ACTR3B: variants seen among roughly 807,000 people sequenced by gnomAD.
The protein encoded by ACTR3B is actin-related protein 3B.
Under a neutral mutation model 59.0 loss-of-function variants are expected in ACTR3B, and 8 were observed. The observed-to-expected ratio is 0.14, with a 90% CI of 0.08 to 0.24. The LOEUF (loss-of-function observed/expected upper bound fraction) is 0.24, where lower values mean the gene tolerates loss of function less well. Among genes scored for constraint, ACTR3B ranks in the 10% least tolerant of loss-of-function variants. The pLI is 1.00. For synonymous variants in ACTR3B, 148 were observed against 197.9 expected (o/e 0.75, Z 2.12); for missense variants, 245 against 552.3 (o/e 0.44, Z 5.58).
chr7:152,849,201 C>T (rs1201461401), intron 9 of ACTR3B, among the ~76,000 whole-genome samples: 2 of 152,180 alleles, frequency 1.3e-5, no homozygotes, highest in African/African-American at 4.8e-5. Context: ...AGACCATTGC[C>T]AGGTATTTTA....
intron 1 of ACTR3B, among the ~76,000 whole-genome samples, chr7:152,779,256 T>C (rs1485164540): frequency 6.6e-5 from 10 of 151,954 alleles, no homozygotes; most frequent in Non-Finnish European, 1.2e-4. Flanking sequence ...ATTTAGTGAA[T>C]CGCGCACAGC....
intron 2 of ACTR3B, among the ~76,000 whole-genome samples, chr7:152,790,678 GCTTT>G (rs1279135132): frequency 8.6e-5 from 13 of 152,044 alleles, no homozygotes; most frequent in African/African-American, 1.7e-4. Flanking sequence ...GAGTTTGTTA[GCTTT>G]CTTTTTTTAT....
At chr7:152,761,494 A>G (rs2098089165) in intron 1 of ACTR3B, among the ~76,000 whole-genome samples, 1 of 152,204 alleles carries the variant, frequency 6.6e-6, no homozygotes. Context: ...TAAGTCGTGG[A>G]CCTTACTCAT....
chr7:152,841,543 C>T (rs1797870607), intron 9 of ACTR3B, among the ~76,000 whole-genome samples: 1 of 152,146 alleles, frequency 6.6e-6, no homozygotes. Flanking sequence ...CAAAGCAAGG[C>T]GTGGAACTAG....
intron 11 of ACTR3B, among the ~76,000 whole-genome samples, chr7:152,853,877 C>T (rs897013984): frequency 5.3e-5 from 8 of 151,944 alleles, no homozygotes; most frequent in Non-Finnish European, 1.0e-4. Context: ...CCACCATGCC[C>T]GGCTCATTTT....
chr7:152,765,008 T>C (rs2966531), intron 1 of ACTR3B, among the ~76,000 whole-genome samples: 1 of 152,128 alleles, frequency 6.6e-6, no homozygotes, highest in Admixed American at 6.5e-5. Context: ...GTGAGCATCC[T>C]CCAAAGTTCT....
chr7:152,797,272 G>A (rs1047041217), intron 2 of ACTR3B, among the ~76,000 whole-genome samples: 11 of 151,828 alleles, frequency 7.2e-5, no homozygotes, highest in African/African-American at 2.2e-4. Flanking sequence ...TTAGAGATGG[G>A]GTCTTGCTAT....
intron 9 of ACTR3B, among the ~76,000 whole-genome samples, chr7:152,831,408 A>G (rs1797017534): frequency 6.6e-6 from 1 of 152,040 alleles, no homozygotes; most frequent in Admixed American, 6.6e-5. Flanking sequence ...CTCCGTGTGG[A>G]CAGGAGTGTG....
chr7:152,853,463 T>C (rs1051786260), intron 10 of ACTR3B, 31 bp from the exon 11 acceptor site: 60 of 1,602,276 alleles, frequency 3.7e-5, no homozygotes, highest in East Asian at 4.5e-5. Context: ...TCTGTGGGTG[T>C]GGGGTAAGTG....
intron 9 of ACTR3B, among the ~76,000 whole-genome samples, chr7:152,825,963 G>A (rs1029345814): frequency 1.3e-5 from 2 of 152,178 alleles, no homozygotes; most frequent in African/African-American, 2.4e-5. Context: ...CTGACAGCCC[G>A]AGATGGTGAG....
intron 9 of ACTR3B, among the ~76,000 whole-genome samples, chr7:152,827,075 G>A (rs1478048422): frequency 6.7e-6 from 1 of 148,558 alleles, no homozygotes; most frequent in African/African-American, 2.5e-5. Context: ...TCGACCTCTC[G>A]GGCTCAAGCG....
chr7:152,789,332 G>C (rs888635985), intron 2 of ACTR3B, among the ~76,000 whole-genome samples: 3 of 149,042 alleles, frequency 2.0e-5, no homozygotes, highest in African/African-American at 7.6e-5. Context: ...ATCGAGGCTG[G>C]AGTGAGTTGT....
rs186441979 is a variant in ACTR3B, at chr7:152,771,761, G to A, written c.45-11426G>A. Among the ~76,000 whole-genome samples the A allele has an allele frequency of 2.8e-3, 432 of 152,276 alleles. 3 individuals carry two copies. The highest frequency in any genetic ancestry group is 9.9e-3 in the African/African-American group (412 of 41,548). On this transcript the variant is annotated intron_variant, in intron 1 of 11. Coordinates refer to ENST00000256001, the MANE Select transcript of ACTR3B (RefSeq NM_020445.6). ...AATTCAGAGTCATTAAAATGGAAGC[G>A]TATCCTGGTTAATTTATAAAACCTG... is the stretch of plus-strand genomic sequence containing the variant.
At chr7:152,778,154 T>C (rs1053122677) in intron 1 of ACTR3B, among the ~76,000 whole-genome samples, 12 of 151,890 alleles carry the variant, frequency 7.9e-5, no homozygotes, top group African/African-American at 2.2e-4. Flanking sequence ...ATTTTTTTTT[T>C]CTGCCATTAT....
intron 1 of ACTR3B, among the ~76,000 whole-genome samples, chr7:152,773,812 G>A (rs13311089): frequency 6.6e-6 from 1 of 152,192 alleles, no homozygotes; most frequent in African/African-American, 2.4e-5. Context: ...GAAAACTTCT[G>A]GAGAAGGCTG....
chr7:152,790,776 A>G (rs2116672233), intron 2 of ACTR3B, among the ~76,000 whole-genome samples: 1 of 152,278 alleles, frequency 6.6e-6, no homozygotes, highest in East Asian at 1.9e-4. Context: ...TGAGAAATAT[A>G]CTGGATTAAA....
At chr7:152,809,144 A>G (rs1015086439) in intron 4 of ACTR3B, among the ~76,000 whole-genome samples, 2 of 150,800 alleles carry the variant, frequency 1.3e-5, no homozygotes, top group Non-Finnish European at 2.9e-5. Flanking sequence ...TAGGTTCCCT[A>G]TTTGCAGCCT....
In ACTR3B at chr7:152,759,835, G is replaced by C; in HGVS notation, c.-48G>C. 3.3e-6 allele frequency: 4 copies of C among 1,213,888 alleles called. No homozygotes were observed. Among genetic ancestry groups the C allele is most frequent in the Non-Finnish European group, 4.1e-6 (4 of 973,864 alleles). The allele number at this position is 1,213,888 out of a possible 1,614,324, so 75.2% of individuals were successfully genotyped here. ...AGCGGGCGGCGGAGCGGACGGCGAC[G>C]GGGCGCTCTCGGGCTGCCGGCGGGG... On this transcript the variant is annotated 5_prime_UTR_variant, in exon 1 of 12. Transcript: ENST00000256001.
At chr7:152,850,649 A>G (rs1363294919) in intron 9 of ACTR3B, among the ~76,000 whole-genome samples, 1 of 152,264 alleles carries the variant, frequency 6.6e-6, no homozygotes, top group African/African-American at 2.4e-5. Context: ...TGAGAGAAAA[A>G]TGATCCCTTT....
Sources: gnomAD v4.1 joint callset for allele counts (sites outside exome capture counted in the v4.1 genomes callset) on GRCh38, gnomAD v4.1.1 for gene constraint, MANE v1.5 for transcripts, NCBI Gene and HGNC (gene_info 2026-07-23, HGNC 2026-07-21) for gene names.